NSD1: variants seen among roughly 807,000 people sequenced by gnomAD.
NSD1 encodes the protein histone-lysine N-methyltransferase, H3 lysine-36 specific.
NSD1 carries 26 observed loss-of-function variants against 242.7 expected under a neutral mutation model. The ratio of observed to expected loss-of-function variants is 0.11; its 90% CI spans 0.08 to 0.15. NSD1 has a LOEUF of 0.15. NSD1 is among the 10% of genes least tolerant of loss of function. The pLI is 1.00. For missense variants in NSD1, 2,495 were observed against 3,272.8 expected (o/e 0.76, Z 5.80); for synonymous variants, 1,106 against 1,178.1 (o/e 0.94, Z 1.25).
chr5:177,217,314 A>G lies in NSD1; in HGVS notation c.3796+5119A>G, dbSNP rs77152870. On this transcript the variant is annotated intron_variant, in intron 5 of 22. Coordinates refer to ENST00000439151, the MANE Select transcript of NSD1 (RefSeq NM_022455.5). ...CTTTTATATTGTTCATTATGAGTAT[A>G]TAGAAATGTTCAGGTTTAATTTTGT... 8.3e-3 allele frequency among the ~76,000 whole-genome samples: 1,263 copies of G among 152,244 alleles called. 8 individuals are homozygous for G. The highest frequency in any genetic ancestry group is 0.014 in the Non-Finnish European group (960 of 68,032).
At chr5:177,167,969 CA>C (rs1284619731) in intron 2 of NSD1, among the ~76,000 whole-genome samples, 1 of 152,132 alleles carries the variant, frequency 6.6e-6, no homozygotes, top group African/African-American at 2.4e-5. Flanking sequence ...GGGCCTCATG[CA>C]TAGAGTTCCA....
chr5:177,136,054 A>T (rs759826564), intron 2 of NSD1, 24 bp downstream of exon 2: 3 of 1,574,352 alleles, frequency 1.9e-6, no homozygotes, highest in Admixed American at 1.7e-5. Context: ...GGTACAACTT[A>T]AATATATACA....
chr5:177,247,696 TA>T (rs1362140298), intron 10 of NSD1, among the ~76,000 whole-genome samples: 1 of 152,198 alleles, frequency 6.6e-6, no homozygotes, highest in Non-Finnish European at 1.5e-5. Flanking sequence ...ACAAAAGATT[TA>T]AAACCATTTA....
intron 2 of NSD1, 151 bp from the exon 3 acceptor site, chr5:177,191,733 T>C: frequency 1.3e-6 from 1 of 747,782 alleles, no homozygotes; most frequent in Non-Finnish European, 2.3e-6. Flanking sequence ...TGGAATAATT[T>C]AGTTGTACTT....
chr5:177,251,216 T>TA (rs927383085), intron 11 of NSD1, among the ~76,000 whole-genome samples: 9 of 152,094 alleles, frequency 5.9e-5, no homozygotes, highest in African/African-American at 2.2e-4. Context: ...TGATAAATCT[T>TA]ACAATGTTTT....
At chr5:177,191,177 C>T (rs1386797711) in intron 2 of NSD1, among the ~76,000 whole-genome samples, 1 of 150,778 alleles carries the variant, frequency 6.6e-6, no homozygotes, top group Non-Finnish European at 1.5e-5. Context: ...ACCATGTTGG[C>T]CAGGCCGGTC....
chr5:177,299,582 G>A lies in NSD1; in HGVS notation c.*4123G>A. 4.3e-6 allele frequency: 1 copy of A among 233,244 alleles called. No individual in the cohort carries two copies. The allele number at this position is 233,244 out of a possible 1,614,324, so 14.4% of individuals were successfully genotyped here. On this transcript the variant is annotated 3_prime_UTR_variant, in exon 23 of 23. Coordinates refer to ENST00000439151, the MANE Select transcript of NSD1 (RefSeq NM_022455.5). ...CCCTCTACTGCTTATGAAGATTAAG[G>A]GTAGTATTTTCTAAGGAAGTGGAAA...
At chr5:177,192,778 G>A (rs1761804640) in intron 3 of NSD1, among the ~76,000 whole-genome samples, 1 of 152,092 alleles carries the variant, frequency 6.6e-6, no homozygotes, top group Admixed American at 6.6e-5. Flanking sequence ...TGATCCGCCC[G>A]CCTTAGACTC....
intron 2 of NSD1, among the ~76,000 whole-genome samples, chr5:177,188,050 T>C (rs1761373627): frequency 6.6e-6 from 1 of 152,236 alleles, no homozygotes; most frequent in Non-Finnish European, 1.5e-5. Context: ...ATGCCACTTC[T>C]TTACTTACAT....
At chr5:177,292,903 A>G (rs1759955474) in intron 22 of NSD1, among the ~76,000 whole-genome samples, 1 of 152,210 alleles carries the variant, frequency 6.6e-6, no homozygotes, top group African/African-American at 2.4e-5. Context: ...GAGATTATAC[A>G]TTACTAGTGA....
chr5:177,217,730 C>T (rs547649181), intron 5 of NSD1, among the ~76,000 whole-genome samples: 16 of 144,452 alleles, frequency 1.1e-4, no homozygotes, highest in Middle Eastern at 3.7e-3. Context: ...TGCAGTGGCG[C>T]GATCTCGGCT....
chr5:177,208,569 C>T (rs1330220634), intron 4 of NSD1, among the ~76,000 whole-genome samples: 1 of 150,634 alleles, frequency 6.6e-6, no homozygotes, highest in African/African-American at 2.4e-5. Context: ...GCTCTGTCAC[C>T]CAGGCTGGAG....
chr5:177,171,709 T>C (rs964144918), intron 2 of NSD1, among the ~76,000 whole-genome samples: 1 of 152,228 alleles, frequency 6.6e-6, no homozygotes, highest in East Asian at 1.9e-4. Flanking sequence ...AGTCATACAG[T>C]ATTTGTCTAT....
intron 2 of NSD1, among the ~76,000 whole-genome samples, chr5:177,152,321 G>A (rs1410507000): frequency 1.1e-5 from 1 of 86,992 alleles, no homozygotes; most frequent in Non-Finnish European, 2.4e-5. Context: ...GTGTGTGTGT[G>A]TATGTATGTA....
intron 5 of NSD1, among the ~76,000 whole-genome samples, chr5:177,213,252 TAAG>T (rs1763501334): frequency 6.6e-6 from 1 of 152,222 alleles, no homozygotes; most frequent in Non-Finnish European, 1.5e-5. Context: ...TCCATTAACA[TAAG>T]ATTCTCAAAA....
In NSD1 at chr5:177,173,466, CTTT is replaced by C. The variant is rs768982432; in HGVS notation, c.928-18396_928-18394del. Among the ~76,000 whole-genome samples, 586 of 62,112 alleles carry C rather than the reference CTTT, an allele frequency of 9.4e-3. 1 individual carries two copies. The highest frequency in any genetic ancestry group is 0.043 in the African/African-American group (565 of 13,118). The allele number at this position is 62,112 out of a possible 152,430, so 40.7% of individuals were successfully genotyped here. A position where few individuals can be genotyped will look rare whatever the true frequency, so the allele number is the denominator to read the frequency against. ...AGAATCTAAAATATTTACTATCTGG[CTTT>C]TTTTTTTTTTTTTTTTTTTTTGCGA... On this transcript the variant is annotated intron_variant, in intron 2 of 22. Transcript: ENST00000439151.
intron 2 of NSD1, among the ~76,000 whole-genome samples, chr5:177,161,695 T>G (rs201869317): frequency 1.4e-5 from 2 of 146,274 alleles, no homozygotes; most frequent in Non-Finnish European, 3.0e-5. Context: ...TTTTTTTTTT[T>G]GTTTTTGTTT....
At chr5:177,274,132 C>T (rs1254393126) in intron 17 of NSD1, among the ~76,000 whole-genome samples, 29 of 151,788 alleles carry the variant, frequency 1.9e-4, no homozygotes, top group East Asian at 7.7e-4. Context: ...CAAGCCTGGG[C>T]GACAGAGTAA....
At position 177,209,902 on chromosome 5, in the gene NSD1, G is replaced by A; in HGVS notation, c.1503G>A (p.Lys501=). 1 of 1,614,146 alleles carries A rather than the reference G, an allele frequency of 6.2e-7. No homozygotes were observed. The highest frequency in any genetic ancestry group is 1.1e-5 in the South Asian group (1 of 91,088). Residue 501 remains lysine, a synonymous_variant, in exon 5 of 23, where the codon AAG becomes AAA. Coordinates refer to ENST00000439151, the MANE Select transcript of NSD1 (RefSeq NM_022455.5). ...CTTGCGCTAAATCTCGAGCCAGAAA[G>A]AGCTCTGATAATCCAAAAAGGACTA... The part of the protein sequence containing the change: ...EKPCAKSRAR[K]SSDNPKRTSV...
Sources: allele counts gnomAD v4.1 joint callset (sites outside exome capture counted in the v4.1 genomes callset), GRCh38; gene constraint gnomAD v4.1.1; transcripts MANE v1.5; gene names NCBI Gene and HGNC (gene_info 2026-07-23, HGNC 2026-07-21).